PTPRD: variants seen among roughly 807,000 people sequenced by gnomAD.
The protein encoded by PTPRD is receptor-type tyrosine-protein phosphatase delta.
Under a neutral mutation model 214.5 loss-of-function variants are expected in PTPRD, and 34 were observed. The ratio of observed to expected loss-of-function variants is 0.16; its 90% CI spans 0.12 to 0.21. PTPRD has a LOEUF of 0.21. Ranked by LOEUF, PTPRD falls within the 10% of genes least tolerant of loss-of-function variation. The pLI is 1.00. For synonymous variants in PTPRD, 1,128 were observed against 845.7 expected, an observed-to-expected ratio of 1.33 and a Z score of -5.79; for missense variants, 2,545 against 2,398.7, an observed-to-expected ratio of 1.06 and a Z score of -1.27.
Position 9,505,928 on chromosome 9 carries a change from G to A in PTPRD, c.-237+68804C>T, listed in dbSNP as rs145629360. ...CCAATAAACATCCAACTCTTAAATC[G>A]GAAATACTCTCTCATCCCTAAGTAG... On this transcript the variant is annotated intron_variant, in intron 8 of 45. Transcript: ENST00000381196. Among the ~76,000 whole-genome samples the A allele has an allele frequency of 1.4e-4, 21 of 151,144 alleles. No individual in the cohort carries two copies. The East Asian group carries it at 3.5e-3, about 25-fold the overall frequency.
intron 11 of PTPRD, among the ~76,000 whole-genome samples, chr9:8,942,334 T>C (rs1225556287): frequency 6.6e-6 from 1 of 152,198 alleles, no homozygotes; most frequent in Non-Finnish European, 1.5e-5. Flanking sequence ...ATGCAAGTTA[T>C]CACTTTTGGC....
intron 7 of PTPRD, among the ~76,000 whole-genome samples, chr9:9,720,880 C>T (rs963065764): frequency 8.5e-5 from 13 of 152,142 alleles, no homozygotes; most frequent in African/African-American, 2.6e-4. Flanking sequence ...CCTTAGCAAA[C>T]TAATGCACGG....
intron 9 of PTPRD, among the ~76,000 whole-genome samples, chr9:9,388,085 T>C (rs1407330030): frequency 2.0e-5 from 3 of 152,134 alleles, no homozygotes; most frequent in Non-Finnish European, 4.4e-5. Flanking sequence ...CAAGGTTTTA[T>C]TGAGTAGAAG....
chr9:10,145,005 T>C (rs1040399567), intron 3 of PTPRD, among the ~76,000 whole-genome samples: 8 of 151,978 alleles, frequency 5.3e-5, no homozygotes, highest in African/African-American at 1.9e-4. Flanking sequence ...TCTCCTCCTT[T>C]ATCAGGAAAA....
intron 4 of PTPRD, among the ~76,000 whole-genome samples, chr9:9,953,233 T>G (rs2093611584): frequency 6.6e-6 from 1 of 152,084 alleles, no homozygotes; most frequent in Non-Finnish European, 1.5e-5. Flanking sequence ...ATCAGTAAAA[T>G]TTGTGCACGC....
intron 3 of PTPRD, among the ~76,000 whole-genome samples, chr9:10,283,010 T>G (rs148420194): frequency 2.8e-4 from 42 of 152,186 alleles, no homozygotes; most frequent in Non-Finnish European, 5.0e-4. Flanking sequence ...TTTGCATGAT[T>G]TTCATTTCTG....
At position 10,131,266 on chromosome 9, in the gene PTPRD, T is replaced by C. The variant is rs977698845; in HGVS notation, c.-544-97476A>G. ...GAGATGAAAGACTACTGCGTGCATC[T>C]CTAAGTTCTGTCCCTTAGACACTAG... On this transcript the variant is annotated intron_variant, in intron 3 of 45. Coordinates refer to ENST00000381196, the MANE Select transcript of PTPRD (RefSeq NM_002839.4). 2.0e-5 allele frequency among the ~76,000 whole-genome samples: 3 copies of C among 152,132 alleles called. No homozygotes were observed. The South Asian group carries it at 6.2e-4, about 31-fold the overall frequency.
chr9:10,023,492 A>T (rs534695785), intron 4 of PTPRD, among the ~76,000 whole-genome samples: 2 of 152,318 alleles, frequency 1.3e-5, no homozygotes, highest in East Asian at 1.9e-4. Context: ...TTCTGTATAT[A>T]AAGTTAACTT....
chr9:10,555,294 G>C (rs1391110474), intron 2 of PTPRD, among the ~76,000 whole-genome samples: 2 of 152,064 alleles, frequency 1.3e-5, no homozygotes, highest in African/African-American at 4.8e-5. Context: ...GAAAATAAAA[G>C]ACAAACTCAT....
At chr9:9,916,080 TA>T (rs549658470) in intron 5 of PTPRD, among the ~76,000 whole-genome samples, 6,305 of 136,022 alleles carry the variant, frequency 0.046, 413 homozygotes, top group African/African-American at 0.15. Flanking sequence ...GTACTAAAAT[TA>T]AAAAAAAAAA....
At chr9:10,511,518 C>T (rs187091314) in intron 2 of PTPRD, among the ~76,000 whole-genome samples, 1 of 151,602 alleles carries the variant, frequency 6.6e-6, no homozygotes, top group Non-Finnish European at 1.5e-5. Flanking sequence ...ATTACCCTGC[C>T]TCAGCCTCCT....
intron 7 of PTPRD, among the ~76,000 whole-genome samples, chr9:9,666,034 G>A (rs1322102253): frequency 1.3e-5 from 2 of 151,770 alleles, no homozygotes; most frequent in East Asian, 3.9e-4. Flanking sequence ...ATAAAATGTT[G>A]TCATCAATAA....
In PTPRD at chr9:9,758,349, C is replaced by A. The variant is rs182072968; in HGVS notation, c.-326+8461G>T. 5.3e-5 allele frequency among the ~76,000 whole-genome samples: 8 copies of A among 152,146 alleles called. 1 individual carries two copies. Among genetic ancestry groups the A allele is most frequent in the African/African-American group, 1.9e-4 (8 of 41,516 alleles). ...TATGAAAGCAACACAAACCCATGTA[C>A]CTTCTCATATGTGAAGACTGCTATA... On this transcript the variant is annotated intron_variant, in intron 6 of 45. Transcript: ENST00000381196.
chr9:8,410,296 G>C (rs527959508), intron 35 of PTPRD, among the ~76,000 whole-genome samples: 11 of 152,274 alleles, frequency 7.2e-5, no homozygotes, highest in Admixed American at 6.5e-4. Context: ...GGAAGGAGTG[G>C]AAAGTCCAGT....
chr9:8,864,970 C>T (rs997201973), intron 11 of PTPRD, among the ~76,000 whole-genome samples: 3 of 152,124 alleles, frequency 2.0e-5, no homozygotes, highest in Admixed American at 6.5e-5. Context: ...AGTATTTTGG[C>T]CATAATTATA....
intron 3 of PTPRD, among the ~76,000 whole-genome samples, chr9:10,333,492 C>A (rs919472209): frequency 6.6e-6 from 1 of 151,734 alleles, no homozygotes. Flanking sequence ...GAAACAGATA[C>A]CCTCAGCCAT....
At chr9:10,342,960 A>G (rs1346749535) in intron 2 of PTPRD, among the ~76,000 whole-genome samples, 1 of 152,100 alleles carries the variant, frequency 6.6e-6, no homozygotes, top group Non-Finnish European at 1.5e-5. Flanking sequence ...CCTGACCTCC[A>G]TACCTCTTGT....
At chr9:8,989,472 C>T (rs1056830359) in intron 11 of PTPRD, among the ~76,000 whole-genome samples, 2 of 152,006 alleles carry the variant, frequency 1.3e-5, no homozygotes, top group Admixed American at 1.3e-4. Context: ...TTTTACTGTG[C>T]CTGGTTTATT....
At chr9:8,733,380 A>G (rs2098681205) in intron 12 of PTPRD, among the ~76,000 whole-genome samples, 1 of 152,136 alleles carries the variant, frequency 6.6e-6, no homozygotes, top group South Asian at 2.1e-4. Context: ...GACATTGTGC[A>G]TTTTTCTAAA....
Sources: gnomAD v4.1 joint callset for allele counts (sites outside exome capture counted in the v4.1 genomes callset) on GRCh38, gnomAD v4.1.1 for gene constraint, MANE v1.5 for transcripts, NCBI Gene and HGNC (gene_info 2026-07-23, HGNC 2026-07-21) for gene names.